The following ANKRD44 variants were observed in gnomAD, a reference collection of about 807,000 sequenced individuals.
ANKRD44 encodes ankyrin repeat domain 44, also known as serine/threonine-protein phosphatase 6 regulatory ankyrin repeat subunit B.
Under a neutral mutation model 116.0 loss-of-function variants are expected in ANKRD44, and 35 were observed. The observed-to-expected ratio is 0.30, with a 90% CI of 0.23 to 0.40. The LOEUF (loss-of-function observed/expected upper bound fraction) is 0.40, where lower values mean the gene tolerates loss of function less well. ANKRD44 is among the 10% of genes least tolerant of loss of function. The pLI is 1.00. For missense variants in ANKRD44, 1,014 were observed against 1,242.6 expected (o/e 0.82, Z 2.77); for synonymous variants, 435 against 461.8 (o/e 0.94, Z 0.74).
At chr2:197,110,334 C>CATCT (rs2078536477) in intron 9 of ANKRD44, among the ~76,000 whole-genome samples, 1 of 152,140 alleles carries the variant, frequency 6.6e-6, no homozygotes, top group African/African-American at 2.4e-5. Context: ...TCCTCTAAGT[C>CATCT]ATCTCATTTT....
At chr2:197,009,503 G>A (rs1344168333) in intron 18 of ANKRD44, among the ~76,000 whole-genome samples, 37 of 152,226 alleles carry the variant, frequency 2.4e-4, no homozygotes, top group Admixed American at 2.4e-3. Context: ...CCGAGTAGCT[G>A]GGATTATAGG....
At chr2:197,022,324 TG>T (rs1292118840) in intron 17 of ANKRD44, among the ~76,000 whole-genome samples, 2 of 152,240 alleles carry the variant, frequency 1.3e-5, no homozygotes, top group African/African-American at 4.8e-5. Flanking sequence ...TTGCCTGGTT[TG>T]CTTTGCTTCT....
intron 16 of ANKRD44, among the ~76,000 whole-genome samples, chr2:197,044,982 A>G (rs769550201): frequency 1.1e-4 from 16 of 152,244 alleles, no homozygotes; most frequent in Non-Finnish European, 1.5e-4. Flanking sequence ...AACTAGAATT[A>G]TTAAAATTAA....
chr2:197,198,708 G>A (rs1344127096), intron 1 of ANKRD44, among the ~76,000 whole-genome samples: 1 of 152,148 alleles, frequency 6.6e-6, no homozygotes, highest in Non-Finnish European at 1.5e-5. Flanking sequence ...CAGGTGAATC[G>A]CTTGAGCCCG....
At chr2:196,996,040 A>T (rs2076005904) in intron 25 of ANKRD44, among the ~76,000 whole-genome samples, 1 of 152,192 alleles carries the variant, frequency 6.6e-6, no homozygotes, top group Non-Finnish European at 1.5e-5. Flanking sequence ...TAATTTTTGA[A>T]AATCAACTGA....
At chr2:197,221,439 A>C (rs781151149) in intron 1 of ANKRD44, among the ~76,000 whole-genome samples, 12 of 152,096 alleles carry the variant, frequency 7.9e-5, no homozygotes, top group Non-Finnish European at 1.5e-4. Flanking sequence ...CACCATGCCC[A>C]GCTAATTTTT....
At chr2:196,978,431 T>C (rs565668676) in intron 21 of ANKRD44, among the ~76,000 whole-genome samples, 1 of 152,310 alleles carries the variant, frequency 6.6e-6, no homozygotes, top group African/African-American at 2.4e-5. Context: ...TATTCCTTTA[T>C]AGCAATGCAA....
intron 2 of ANKRD44, among the ~76,000 whole-genome samples, chr2:197,156,835 G>A (rs1238374123): frequency 2.0e-5 from 3 of 151,484 alleles, no homozygotes; most frequent in Admixed American, 1.3e-4. Flanking sequence ...GAAACAAGTC[G>A]GGCAAAAAAA....
At chr2:197,224,175 A>G (rs2081648033) in intron 1 of ANKRD44, among the ~76,000 whole-genome samples, 1 of 152,190 alleles carries the variant, frequency 6.6e-6, no homozygotes, top group Non-Finnish European at 1.5e-5. Context: ...AAGAAGCACC[A>G]CCACCACATG....
At chr2:197,105,662 A>T (rs751673610) in intron 9 of ANKRD44, among the ~76,000 whole-genome samples, 2 of 152,216 alleles carry the variant, frequency 1.3e-5, no homozygotes, top group Non-Finnish European at 2.9e-5. Flanking sequence ...AAAGTTAGTT[A>T]TTGTGATCGT....
In ANKRD44 at chr2:197,177,812, T is replaced by C. The variant is rs2080403871; in HGVS notation, c.111+9211A>G. 2.0e-5 allele frequency among the ~76,000 whole-genome samples: 3 copies of C among 152,164 alleles called. No individual in the cohort carries two copies. In the South Asian group the frequency reaches 6.2e-4, roughly 32 times the overall value. Reference sequence around the variant, plus strand: ...CATGATATCTGCTGTTTAACAACTGTTTCACTCAAAAATATATCTTGAAGA... The same window carrying C: ...CATGATATCTGCTGTTTAACAACTGCTTCACTCAAAAATATATCTTGAAGA... On this transcript the variant is annotated intron_variant, in intron 2 of 27. Transcript: ENST00000282272.
chr2:196,996,426 T>C (rs1186628445), intron 25 of ANKRD44, among the ~76,000 whole-genome samples: 1 of 152,210 alleles, frequency 6.6e-6, no homozygotes, highest in Non-Finnish European at 1.5e-5. Context: ...TAGGTAACAC[T>C]GATAATATTT....
At chr2:197,228,999 C>T (rs1574317905) in intron 1 of ANKRD44, among the ~76,000 whole-genome samples, 1 of 152,346 alleles carries the variant, frequency 6.6e-6, no homozygotes, top group South Asian at 2.1e-4. Context: ...TGTGCCATTG[C>T]ACTCCAGCCT....
At chr2:197,042,373 A>G (rs957361773) in intron 16 of ANKRD44, among the ~76,000 whole-genome samples, 5 of 152,182 alleles carry the variant, frequency 3.3e-5, no homozygotes, top group African/African-American at 1.2e-4. Context: ...TTGAATAGGA[A>G]ATATCTACCA....
At chr2:197,102,958 G>A (rs1412228483) in intron 9 of ANKRD44, among the ~76,000 whole-genome samples, 7 of 152,036 alleles carry the variant, frequency 4.6e-5, no homozygotes, top group African/African-American at 1.7e-4. Context: ...GGCGGGGCGT[G>A]GTGGCTCATG....
intron 4 of ANKRD44, among the ~76,000 whole-genome samples, chr2:197,126,780 G>A (rs1377619662): frequency 1.3e-5 from 2 of 150,390 alleles, no homozygotes; most frequent in African/African-American, 4.9e-5. Context: ...ATATATACAG[G>A]TGCAAAAGTA....
At chr2:196,993,162 A>G (rs1229002748) in intron 27 of ANKRD44, among the ~76,000 whole-genome samples, 1 of 152,214 alleles carries the variant, frequency 6.6e-6, no homozygotes, top group African/African-American at 2.4e-5. Flanking sequence ...AGAAAAAAAA[A>G]GTTTGATCTC....
intron 4 of ANKRD44, among the ~76,000 whole-genome samples, chr2:197,129,300 A>AT (rs2079046342): frequency 1.3e-5 from 2 of 151,856 alleles, no homozygotes; most frequent in African/African-American, 2.4e-5. Flanking sequence ...CGTCCAGCTA[A>AT]TTTTTTTGTA....
intron 1 of ANKRD44, among the ~76,000 whole-genome samples, chr2:197,303,059 C>A (rs1040139472): frequency 1.4e-4 from 21 of 152,296 alleles, no homozygotes; most frequent in Middle Eastern, 3.4e-3. Flanking sequence ...GGTTCTGTGT[C>A]CCCACAGCCA....
Sources: allele counts gnomAD v4.1 joint callset (sites outside exome capture counted in the v4.1 genomes callset), GRCh38; gene constraint gnomAD v4.1.1; transcripts MANE v1.5; gene names NCBI Gene and HGNC (gene_info 2026-07-23, HGNC 2026-07-21).